The following LAMP3 variants were observed in gnomAD, a reference collection of about 807,000 sequenced individuals.
The protein encoded by LAMP3 is lysosome-associated membrane glycoprotein 3.
In LAMP3, 26 loss-of-function variants were observed where a neutral mutation model predicts 34.8. The observed-to-expected ratio is 0.75, with a 90% CI of 0.55 to 1.04. The LOEUF is 1.04. Among genes scored for constraint, LAMP3 ranks in the 50% least tolerant of loss-of-function variants. The pLI is 0.00. For missense variants in LAMP3, 495 were observed against 524.0 expected (o/e 0.94, Z 0.54); for synonymous variants, 180 against 201.9 (o/e 0.89, Z 0.92).
Position 183,149,164 on chromosome 3 carries a change from G to C in LAMP3, c.888+3211C>G, listed in dbSNP as rs191996749. 2.2e-4 allele frequency among the ~76,000 whole-genome samples: 34 copies of C among 152,128 alleles called. No homozygotes were observed. The East Asian group carries it at 6.4e-3, about 29-fold the overall frequency. ...TAAAATAACTGAACTCATGGAGATA[G>C]AGAGTAGAATGATGGTTACCAGAGG... On this transcript the variant is annotated intron_variant, in intron 3 of 5. Transcript: ENST00000265598.
rs1373819436 is a variant in LAMP3 at position 183,162,634 on chromosome 3, C to T, written c.22G>A (p.Ala8Thr). Residue 8 changes from alanine (A) to threonine (T), a missense_variant, in exon 1 of 6, where the codon GCG (alanine) becomes ACG (threonine). Coordinates refer to ENST00000265598, the MANE Select transcript of LAMP3 (RefSeq NM_014398.4). ...GCCAGGGACGCGAAGAGCGCGGCCG[C>T]CGCGCTGAGCTGCCGGGGCATGGTG... MPRQLSAAAALFASLAVI... is the reference protein window; with the variant it reads MPRQLSATAALFASLAVI... The T allele has an allele frequency of 3.9e-6, 6 of 1,543,558 alleles. No homozygotes were observed. The highest frequency in any genetic ancestry group is 5.2e-6 in the Non-Finnish European group (6 of 1,145,496).
intron 1 of LAMP3, among the ~76,000 whole-genome samples, chr3:183,160,002 T>C (rs1720930859): frequency 6.6e-6 from 1 of 152,206 alleles, no homozygotes; most frequent in Admixed American, 6.5e-5. Context: ...GTCACATACC[T>C]ATATGTCGGA....
intron 5 of LAMP3, among the ~76,000 whole-genome samples, chr3:183,129,692 T>G (rs1379339975): frequency 6.6e-6 from 1 of 152,230 alleles, no homozygotes; most frequent in Non-Finnish European, 1.5e-5. Flanking sequence ...CATCAAGCAA[T>G]TGTCAGGAAT....
intron 3 of LAMP3, among the ~76,000 whole-genome samples, chr3:183,150,497 G>A (rs974745393): frequency 2.6e-5 from 4 of 151,910 alleles, no homozygotes; most frequent in Admixed American, 6.6e-5. Context: ...CTGGGTCTGG[G>A]TGGAACTGAG....
At chr3:183,128,739 G>A (rs536224433) in intron 5 of LAMP3, among the ~76,000 whole-genome samples, 22 of 152,032 alleles carry the variant, frequency 1.4e-4, no homozygotes, top group Admixed American at 9.8e-4. Context: ...ATGGGGTTTC[G>A]CCATGTTGCC....
intron 1 of LAMP3, chr3:183,161,841 A>G (rs1432890639): frequency 7.1e-6 from 3 of 420,282 alleles, no homozygotes; most frequent in Non-Finnish European, 9.6e-6. Flanking sequence ...GTCCCCTAAA[A>G]GAACCTGAAA....
intron 2 of LAMP3, 70 bp from the exon 3 acceptor site, chr3:183,152,573 A>C: frequency 7.0e-7 from 1 of 1,428,030 alleles, no homozygotes; most frequent in Non-Finnish European, 9.5e-7. Flanking sequence ...CCAGATGCAC[A>C]GGCTAGTTTG....
chr3:183,132,879 T>A, intron 5 of LAMP3: 1 of 985,430 alleles, frequency 1.0e-6, no homozygotes. Context: ...GTTAGCAAAA[T>A]GACAAGCAGT....
At chr3:183,147,923 C>A in intron 3 of LAMP3, among the ~76,000 whole-genome samples, 1 of 152,188 alleles carries the variant, frequency 6.6e-6, no homozygotes, top group East Asian at 1.9e-4. Context: ...TGCTATGTTG[C>A]CCAGGCTGAT....
At chr3:183,162,927 C>G (rs602646), upstream of LAMP3, 113,199 of 467,952 alleles carry the variant, frequency 0.24, 15,468 homozygotes, top group African/African-American at 0.4. Flanking sequence ...CAGCGCCGGC[C>G]TCCTCCGCTC....
chr3:183,149,016 A>G (rs73056067), intron 3 of LAMP3, among the ~76,000 whole-genome samples: 4,838 of 152,338 alleles, frequency 0.032, 256 homozygotes, highest in African/African-American at 0.11. Flanking sequence ...GCTGTAAAAA[A>G]GAATGAGATC....
At chr3:183,133,069 C>A (rs965453246) in intron 5 of LAMP3, 7 of 355,898 alleles carry the variant, frequency 2.0e-5, no homozygotes, top group African/African-American at 1.3e-4. Context: ...GAAGATGGAG[C>A]TGTTGGGGCT....
chr3:183,163,681 G>A (rs1014948797), upstream of LAMP3: 1 of 152,390 alleles, frequency 6.6e-6, no homozygotes, highest in African/African-American at 2.4e-5. Context: ...GCGAGCAGGA[G>A]CCTAAAAACC....
intron 3 of LAMP3, among the ~76,000 whole-genome samples, chr3:183,143,300 A>G (rs1320336423): frequency 5.3e-5 from 8 of 152,076 alleles, no homozygotes; most frequent in African/African-American, 1.9e-4. Context: ...TTTTATAGAG[A>G]TGGGATCTCA....
At chr3:183,150,565 CTTTTTT>C (rs10665288) in intron 3 of LAMP3, among the ~76,000 whole-genome samples, 1 of 86,092 alleles carries the variant, frequency 1.2e-5, no homozygotes. Context: ...GCCAAAGTGA[CTTTTTT>C]TTTTTTTTTT....
intron 3 of LAMP3, among the ~76,000 whole-genome samples, chr3:183,149,103 T>C (rs552316045): frequency 6.6e-6 from 1 of 152,192 alleles, no homozygotes; most frequent in Admixed American, 6.6e-5. Context: ...AAAGACAAAC[T>C]TTGTACCTTC....
intron 5 of LAMP3, among the ~76,000 whole-genome samples, chr3:183,128,928 C>T (rs940214739): frequency 3.9e-5 from 6 of 152,166 alleles, no homozygotes; most frequent in Admixed American, 6.5e-5. Context: ...TCATTGTCAA[C>T]AAATATTTTT....
chr3:183,147,804 T>C (rs1720491962), intron 3 of LAMP3, among the ~76,000 whole-genome samples: 1 of 152,116 alleles, frequency 6.6e-6, no homozygotes, highest in Non-Finnish European at 1.5e-5. Flanking sequence ...AGCCTTGACC[T>C]CTTAGGCTCA....
intron 5 of LAMP3, among the ~76,000 whole-genome samples, chr3:183,127,597 C>T (rs1344137289): frequency 6.6e-6 from 1 of 151,738 alleles, no homozygotes; most frequent in African/African-American, 2.4e-5. Flanking sequence ...GATTTTTGTA[C>T]CATGCATTTC....
Sources: allele counts gnomAD v4.1 joint callset (sites outside exome capture counted in the v4.1 genomes callset), GRCh38; gene constraint gnomAD v4.1.1; transcripts MANE v1.5; gene names NCBI Gene and HGNC (gene_info 2026-07-23, HGNC 2026-07-21).